The following ASTN2 variants were observed in gnomAD, a reference collection of about 807,000 sequenced individuals.
The protein encoded by ASTN2 is astrotactin 2.
In ASTN2, 54 loss-of-function variants were observed where a neutral mutation model predicts 139.8. The ratio of observed to expected loss-of-function variants is 0.39; its 90% confidence interval spans 0.31 to 0.48. ASTN2 has a LOEUF of 0.48. Ranked by LOEUF, ASTN2 falls within the 20% of genes least tolerant of loss-of-function variation. The probability of loss-of-function intolerance (pLI) is 0.95; values close to 1 mark genes in which losing one functional copy is unlikely to be tolerated. For synonymous variants in ASTN2, 756 were observed against 719.5 expected, an observed-to-expected ratio of 1.05 and a Z score of -0.81; for missense variants, 1,565 against 1,725.1, an observed-to-expected ratio of 0.91 and a Z score of 1.64.
intron 2 of ASTN2, among the ~76,000 whole-genome samples, chr9:117,220,822 A>G (rs903843263): frequency 6.6e-6 from 1 of 152,194 alleles, no homozygotes; most frequent in Non-Finnish European, 1.5e-5. Flanking sequence ...AAACTAAGGC[A>G]CTGCCCTTGA....
intron 1 of ASTN2, among the ~76,000 whole-genome samples, chr9:117,411,377 A>G (rs968283686): frequency 6.6e-6 from 1 of 150,782 alleles, no homozygotes; most frequent in Non-Finnish European, 1.5e-5. Context: ...AACTGAAGGA[A>G]ACTTCCATTT....
At chr9:116,649,566 C>T (rs953874807) in intron 17 of ASTN2, among the ~76,000 whole-genome samples, 1 of 90,654 alleles carries the variant, frequency 1.1e-5, no homozygotes, top group Non-Finnish European at 2.2e-5. Context: ...AAGAACAAAA[C>T]TGTCTCAAAA....
chr9:116,693,263 G>A (rs932529300), intron 16 of ASTN2, among the ~76,000 whole-genome samples: 1 of 152,148 alleles, frequency 6.6e-6, no homozygotes, highest in Non-Finnish European at 1.5e-5. Flanking sequence ...GGTTTAGACA[G>A]GTTAAATAAA....
At chr9:116,843,325 A>C (rs527606336) in intron 11 of ASTN2, among the ~76,000 whole-genome samples, 12 of 152,294 alleles carry the variant, frequency 7.9e-5, no homozygotes, top group African/African-American at 2.9e-4. Context: ...GCTAATTAAC[A>C]CAGGAAGAGA....
chr9:117,277,339 A>G (rs1251927580), intron 2 of ASTN2: 1 of 152,188 alleles, frequency 6.6e-6, no homozygotes, highest in Non-Finnish European at 1.5e-5. Context: ...CAAACACACA[A>G]GAGAATTCTT....
intron 3 of ASTN2, among the ~76,000 whole-genome samples, chr9:117,208,260 A>G (rs1288258223): frequency 6.6e-6 from 1 of 152,176 alleles, no homozygotes; most frequent in African/African-American, 2.4e-5. Flanking sequence ...AACTATATCA[A>G]GAAAATGATT....
chr9:117,114,747 G>A (rs1829335639), intron 4 of ASTN2, among the ~76,000 whole-genome samples: 1 of 152,158 alleles, frequency 6.6e-6, no homozygotes, highest in Non-Finnish European at 1.5e-5. Flanking sequence ...TTGAGGCTAT[G>A]TATCTTGCAT....
At chr9:117,048,024 T>A (rs1476501728) in intron 5 of ASTN2, among the ~76,000 whole-genome samples, 1 of 152,162 alleles carries the variant, frequency 6.6e-6, no homozygotes, top group Non-Finnish European at 1.5e-5. Context: ...ACTGAGGCCA[T>A]CACTTGCCAA....
In ASTN2 at chr9:116,903,449, C is replaced by T. The variant is rs1016285758; in HGVS notation, c.1890-39716G>A. 5.9e-5 allele frequency among the ~76,000 whole-genome samples: 9 copies of T among 152,302 alleles called. No individual in the cohort carries two copies. In the East Asian group the frequency reaches 7.7e-4, roughly 13 times the overall value. Reference sequence around the variant, plus strand: ...CCACAACAGTATCTCCCATCTCACACGTACCTCTTGCAATGTGACCTTGAG... The same window carrying T: ...CCACAACAGTATCTCCCATCTCACATGTACCTCTTGCAATGTGACCTTGAG... On this transcript the variant is annotated intron_variant, in intron 10 of 22. Transcript: ENST00000313400.
At chr9:116,807,656 T>G (rs1474703974) in intron 12 of ASTN2, among the ~76,000 whole-genome samples, 1 of 152,220 alleles carries the variant, frequency 6.6e-6, no homozygotes, top group Non-Finnish European at 1.5e-5. Flanking sequence ...GAGTGTTTCA[T>G]AAAGTCTAGT....
chr9:116,776,543 C>G (rs1351409034), intron 13 of ASTN2, among the ~76,000 whole-genome samples: 1 of 152,108 alleles, frequency 6.6e-6, no homozygotes, highest in Non-Finnish European at 1.5e-5. Context: ...AGGCTGTTTC[C>G]GCTCCTTGTT....
intron 16 of ASTN2, among the ~76,000 whole-genome samples, chr9:116,669,333 C>T (rs529239432): frequency 5.3e-5 from 8 of 152,042 alleles, no homozygotes; most frequent in African/African-American, 9.6e-5. Context: ...CTCTACAGAG[C>T]GCAGGACCTA....
chr9:116,480,070 A>C (rs918186088), intron 20 of ASTN2, among the ~76,000 whole-genome samples: 3 of 151,950 alleles, frequency 2.0e-5, no homozygotes, highest in Non-Finnish European at 2.9e-5. Context: ...AAGAAAGAAA[A>C]AGAGAGAGAG....
intron 5 of ASTN2, among the ~76,000 whole-genome samples, chr9:117,095,539 G>T (rs115917203): frequency 2.7e-5 from 4 of 150,590 alleles, no homozygotes; most frequent in Non-Finnish European, 5.9e-5. Flanking sequence ...GGTCTGGTAA[G>T]TAAAATTTCC....
At chr9:117,035,519 G>A (rs1030390485) in intron 6 of ASTN2, among the ~76,000 whole-genome samples, 2 of 152,110 alleles carry the variant, frequency 1.3e-5, no homozygotes, top group Non-Finnish European at 2.9e-5. Flanking sequence ...GGAAACTCCA[G>A]TAGTACAATT....
chr9:116,989,818 A>T (rs899604396), intron 7 of ASTN2, among the ~76,000 whole-genome samples: 2 of 152,134 alleles, frequency 1.3e-5, no homozygotes, highest in Non-Finnish European at 2.9e-5. Context: ...ACCTGACCTC[A>T]GGTGATCCGC....
At chr9:116,676,899 C>G (rs193047158) in intron 16 of ASTN2, among the ~76,000 whole-genome samples, 1 of 152,124 alleles carries the variant, frequency 6.6e-6, no homozygotes, top group Non-Finnish European at 1.5e-5. Context: ...TCTGAACTAC[C>G]TTGTGGAAAT....
At chr9:117,271,640 T>C (rs1834067353) in intron 2 of ASTN2, among the ~76,000 whole-genome samples, 1 of 152,130 alleles carries the variant, frequency 6.6e-6, no homozygotes, top group Non-Finnish European at 1.5e-5. Flanking sequence ...CACAATGGGG[T>C]ACAGATATCG....
In ASTN2 at chr9:116,665,155, A is replaced by T. The variant is rs1439643437; in HGVS notation, c.2807-13362T>A. ...CAGAAGCTAAGCAGATGCTGGTGCC[A>T]TGCTTGTACAGCCTACAGAACTGTG... On this transcript the variant is annotated intron_variant, in intron 16 of 22. Coordinates refer to ENST00000313400, the MANE Select transcript of ASTN2 (RefSeq NM_001365068.1). 2.0e-5 allele frequency among the ~76,000 whole-genome samples: 3 copies of T among 152,306 alleles called. No homozygotes were observed. The East Asian group carries it at 5.8e-4, about 29-fold the overall frequency.
Sources: allele counts gnomAD v4.1 joint callset (sites outside exome capture counted in the v4.1 genomes callset), GRCh38; gene constraint gnomAD v4.1.1; transcripts MANE v1.5; gene names NCBI Gene and HGNC (gene_info 2026-07-23, HGNC 2026-07-21).